CYP46A1: variants seen among roughly 807,000 people sequenced by gnomAD.
CYP46A1 encodes the protein cholesterol 24-hydroxylase.
In CYP46A1, 20 loss-of-function variants were observed where a neutral mutation model predicts 63.3. The observed-to-expected ratio is 0.32, with a 90% CI of 0.22 to 0.46. The LOEUF is 0.46. CYP46A1 is among the 20% of genes least tolerant of loss of function. The pLI is 1.00. For missense variants in CYP46A1, 445 were observed against 670.8 expected (o/e 0.66, Z 3.72); for synonymous variants, 268 against 273.6 (o/e 0.98, Z 0.20).
In CYP46A1 at chr14:99,726,799, C is replaced by T. The variant is rs997207714; in HGVS notation, c.*72C>T. The T allele has an allele frequency of 7.8e-7, 1 of 1,275,916 alleles. No individual in the cohort carries two copies. The highest frequency in any genetic ancestry group is 1.0e-6 in the Non-Finnish European group (1 of 954,400). The allele number at this position is 1,275,916 out of a possible 1,614,324, so 79.0% of individuals were successfully genotyped here. A position where few individuals can be genotyped will look rare whatever the true frequency, so the allele number is the denominator to read the frequency against. On this transcript the variant is annotated 3_prime_UTR_variant, in exon 15 of 15. Coordinates refer to ENST00000261835, the MANE Select transcript of CYP46A1 (RefSeq NM_006668.2). ...GCCCACCTCTGCTGCCCACGGCCAC[C>T]CACCCTTCTCCCCTGCCCCGTCCCC...
At chr14:99,694,107 C>G (rs1377575709) in intron 3 of CYP46A1, among the ~76,000 whole-genome samples, 1 of 152,124 alleles carries the variant, frequency 6.6e-6, no homozygotes, top group Non-Finnish European at 1.5e-5. Context: ...TGACTTATTT[C>G]ACTTAGCATA....
At chr14:99,723,237 GT>G (rs1254111733) in intron 12 of CYP46A1, 2 of 174,816 alleles carry the variant, frequency 1.1e-5, no homozygotes, top group African/African-American at 2.3e-5. Flanking sequence ...GGGGTAGTGT[GT>G]TTTTTCGTAT....
At chr14:99,706,411 A>G (rs2056676328) in intron 5 of CYP46A1, 1 of 508,662 alleles carries the variant, frequency 2.0e-6, no homozygotes, top group African/African-American at 1.9e-5. Context: ...AACTGTTAGG[A>G]CAAGAGCAAG....
intron 11 of CYP46A1, among the ~76,000 whole-genome samples, chr14:99,721,754 C>A (rs1190384379): frequency 6.6e-6 from 1 of 152,076 alleles, no homozygotes; most frequent in Admixed American, 6.5e-5. Flanking sequence ...CTTGCACACT[C>A]CCTTCTCCTT....
At chr14:99,691,951 G>A in intron 3 of CYP46A1, 90 bp downstream of exon 3, 2 of 1,332,414 alleles carry the variant, frequency 1.5e-6, no homozygotes, top group Non-Finnish European at 2.1e-6. Flanking sequence ...TTGGATGAAT[G>A]TTCCAGAGCC....
At chr14:99,715,716 C>T in intron 7 of CYP46A1, 94 bp from the exon 8 acceptor site, 2 of 1,537,996 alleles carry the variant, frequency 1.3e-6, no homozygotes, top group Non-Finnish European at 1.8e-6. Context: ...TCCCAGCTTG[C>T]CAGTGCCGCT....
chr14:99,707,736 TGAA>T (rs2056691767), intron 7 of CYP46A1, 58 bp downstream of exon 7: 1 of 1,481,904 alleles, frequency 6.7e-7, no homozygotes, highest in African/African-American at 1.4e-5. Flanking sequence ...CTTCATTTGC[TGAA>T]GAACCTCCTT....
intron 8 of CYP46A1, 34 bp from the exon 9 acceptor site, chr14:99,716,103 T>C (rs373369431): frequency 3.8e-4 from 613 of 1,613,802 alleles, no homozygotes; most frequent in Non-Finnish European, 4.9e-4. Flanking sequence ...GGAGCAAAGA[T>C]TTGCTGGGAA....
Position 99,725,354 on chromosome 14 carries a change from C to T in CYP46A1, c.1177-37C>T, listed in dbSNP as rs370097930. 3.8e-6 allele frequency: 6 copies of T among 1,588,194 alleles called. No individual in the cohort carries two copies. In the Admixed American group the frequency reaches 5.0e-5, roughly 13 times the overall value. On this transcript the variant is annotated intron_variant, in intron 12 of 14. Transcript: ENST00000261835. The surrounding 1 kb of genome is among the most constrained non-coding windows in gnomAD (Gnocchi z 4.2). ...GGCTCAAGAGGTGCCAGGGGAACAACCTGGGAACCAGAGATGAGCGGACCC... is the reference window on the plus strand; with the variant it reads ...GGCTCAAGAGGTGCCAGGGGAACAATCTGGGAACCAGAGATGAGCGGACCC...
At chr14:99,703,689 T>C (rs761524266) in intron 5 of CYP46A1, 15 of 974,710 alleles carry the variant, frequency 1.5e-5, no homozygotes, top group African/African-American at 5.3e-5. Context: ...ACACCCAATG[T>C]AGTGCTTCCA....
chr14:99,725,441 G>A lies in CYP46A1; in HGVS notation c.1227G>A (p.Leu409=). Residue 409 remains leucine, a synonymous_variant, in exon 13 of 15, where the codon CTG becomes CTA. Coordinates refer to ENST00000261835, the MANE Select transcript of CYP46A1 (RefSeq NM_006668.2). The surrounding 1 kb of genome is among the most constrained non-coding windows in gnomAD (Gnocchi z 4.2). ...TGGACACATACTTTGAGGACCCGCT[G>A]ACTTTCAACCCCGATCGCTTCGGCC... ...GRMDTYFEDP[L]TFNPDRFGPG... is the part of the protein sequence containing the mutation. 1 of 1,614,156 alleles carries A rather than the reference G, an allele frequency of 6.2e-7. No individual in the cohort carries two copies. The highest frequency in any genetic ancestry group is 8.5e-7 in the Non-Finnish European group (1 of 1,180,022).
chr14:99,702,617 A>G (rs1167484409), intron 5 of CYP46A1, among the ~76,000 whole-genome samples: 1 of 152,084 alleles, frequency 6.6e-6, no homozygotes, highest in East Asian at 1.9e-4. Flanking sequence ...ATTATTTATT[A>G]TTTAAATCAC....
Position 99,725,453 on chromosome 14 carries a change from C to T in CYP46A1, c.1239C>T (p.Pro413=), listed in dbSNP as rs757537926. ...TYFEDPLTFN[P]DRFGPGAPKP... ...TTGAGGACCCGCTGACTTTCAACCC[C>T]GATCGCTTCGGCCCTGGAGCACCCA... The change falls in exon 13 of 15, where the codon CCC becomes CCT. Residue 413 remains proline (P), a synonymous_variant. Coordinates refer to ENST00000261835, the MANE Select transcript of CYP46A1 (RefSeq NM_006668.2). The surrounding 1 kb of genome is among the most constrained non-coding windows in gnomAD (Gnocchi z 4.2). 2.1e-5 allele frequency: 34 copies of T among 1,614,004 alleles called. No homozygotes were observed. Among genetic ancestry groups the T allele is most frequent in the East Asian group, 8.9e-5 (4 of 44,880 alleles).
chr14:99,721,008 C>T (rs569504287), intron 10 of CYP46A1, among the ~76,000 whole-genome samples: 13 of 152,184 alleles, frequency 8.5e-5, no homozygotes, highest in Middle Eastern at 3.4e-3. Context: ...TTGCTTGAAT[C>T]CTGGGGGGAG....
In CYP46A1 at chr14:99,726,229, C is replaced by CTCCTGCA. The variant is rs757614243; in HGVS notation, c.1308_1314dup (p.Gly439LeufsTer215). 1 of 1,613,752 alleles carries CTCCTGCA rather than the reference C, an allele frequency of 6.2e-7. No individual in the cohort carries two copies. The highest frequency in any genetic ancestry group is 8.5e-7 in the Non-Finnish European group (1 of 1,179,926). Reference sequence around the variant, plus strand: ...ACTTCCCCTTCTCCCTGGGCCACCGCTCCTGCATCGGGCAGCAGTTTGCTC... The same window carrying CTCCTGCA: ...ACTTCCCCTTCTCCCTGGGCCACCGCTCCTGCATCCTGCATCGGGCAGCAGTTTGCTC... On this transcript the variant is annotated frameshift_variant, in exon 14 of 15. Coordinates refer to ENST00000261835, the MANE Select transcript of CYP46A1 (RefSeq NM_006668.2). LOFTEE classifies it high-confidence loss of function.
At chr14:99,684,587 T>C in intron 1 of CYP46A1, 51 bp downstream of exon 1, 2 of 1,387,736 alleles carry the variant, frequency 1.4e-6, no homozygotes, top group Non-Finnish European at 9.5e-7. Context: ...ACTGGGGGCC[T>C]GGGGACAGCG....
chr14:99,694,064 T>C (rs1256951239), intron 3 of CYP46A1, among the ~76,000 whole-genome samples: 1 of 148,722 alleles, frequency 6.7e-6, no homozygotes, highest in Non-Finnish European at 1.5e-5. Context: ...GCGTCATACA[T>C]GTGTAATCAT....
At chr14:99,724,385 A>G (rs147854188) in intron 12 of CYP46A1, among the ~76,000 whole-genome samples, 1,736 of 151,966 alleles carry the variant, frequency 0.011, 27 homozygotes, top group African/African-American at 0.04. Context: ...ATCTGTGGCC[A>G]CTCTGCCATC....
chr14:99,691,914 G>C, intron 3 of CYP46A1, 53 bp downstream of exon 3: 1 of 1,562,866 alleles, frequency 6.4e-7, no homozygotes, highest in Non-Finnish European at 8.8e-7. Context: ...CCTTGGGTTG[G>C]GGGAGTGAAG....
Sources: allele counts gnomAD v4.1 joint callset (sites outside exome capture counted in the v4.1 genomes callset), GRCh38; gene constraint gnomAD v4.1.1; non-coding constraint Gnocchi (gnomAD v3.1); transcripts MANE v1.5; gene names NCBI Gene and HGNC (gene_info 2026-07-23, HGNC 2026-07-21).